Variants in SOCS2 observed in about 807,000 individuals in gnomAD.
SOCS2 encodes the protein suppressor of cytokine signaling 2, also known as CIS-2.
SOCS2 carries 10 observed loss-of-function variants against 18.6 expected under a neutral mutation model. The ratio of observed to expected loss-of-function variants is 0.54; its 90% CI spans 0.33 to 0.91. The LOEUF (loss-of-function observed/expected upper bound fraction) is 0.91, where lower values mean the gene tolerates loss of function less well. Ranked by LOEUF, SOCS2 falls within the 40% of genes least tolerant of loss-of-function variation. The probability of loss-of-function intolerance (pLI) is 0.02; values close to 1 mark genes in which losing one functional copy is unlikely to be tolerated. For synonymous variants in SOCS2, 104 were observed against 104.0 expected, an observed-to-expected ratio of 1.00 and a Z score of 0.00; for missense variants, 231 against 247.2, an observed-to-expected ratio of 0.93 and a Z score of 0.44.
upstream of SOCS2, chr12:93,571,369 GC>G (rs982252836): frequency 6.6e-6 from 1 of 152,302 alleles, no homozygotes; most frequent in African/African-American, 2.4e-5. Flanking sequence ...CCGCGGCTCT[GC>G]CCCGCGGCCT....
the SOCS2 span, among the ~76,000 whole-genome samples, chr12:93,610,034 A>G: frequency 6.6e-6 from 1 of 152,210 alleles, no homozygotes; most frequent in Non-Finnish European, 1.5e-5. Flanking sequence ...AAGAGAGCAG[A>G]GCCCTCATGA....
At chr12:93,616,385 A>C in the SOCS2 span, among the ~76,000 whole-genome samples, 1 of 152,224 alleles carries the variant, frequency 6.6e-6, no homozygotes, top group Non-Finnish European at 1.5e-5. Context: ...GTCTCTCATA[A>C]TGACATCATT....
chr12:93,597,014 A>T, the SOCS2 span, among the ~76,000 whole-genome samples: 6 of 152,204 alleles, frequency 3.9e-5, no homozygotes. Context: ...TTTCAAAAGA[A>T]TTATAGATCT....
At chr12:93,611,864 A>G in the SOCS2 span, among the ~76,000 whole-genome samples, 15 of 150,108 alleles carry the variant, frequency 1.0e-4, no homozygotes, top group Admixed American at 9.3e-4. Flanking sequence ...GTTTATATTG[A>G]TTTTTTTTTT....
At position 93,573,008 on chromosome 12, in the gene SOCS2, G is replaced by T; in HGVS notation, c.111G>T (p.Ala37=). The stretch of plus-strand genomic sequence containing the variant: ...CATCCCCGCAGGCGGCGCGTCTGGC[G>T]AAGGCCCTGCGGGAGCTCGGTCAGA... ...EEPSPQAARL[A]KALRELGQTG... is the part of the protein sequence containing the mutation. The change falls in exon 1 of 2, where the codon GCG becomes GCT. Residue 37 remains alanine, a synonymous_variant. Coordinates refer to ENST00000551556, the MANE Select transcript of SOCS2 (RefSeq NM_001270471.2). 3 of 1,569,774 alleles carry T rather than the reference G, an allele frequency of 1.9e-6. No individual in the cohort carries two copies. The highest frequency in any genetic ancestry group is 1.7e-4 in the Middle Eastern group (1 of 5,976).
upstream of SOCS2, chr12:93,571,874 C>T (rs1318223167): frequency 4.7e-6 from 2 of 428,352 alleles, no homozygotes; most frequent in Non-Finnish European, 9.3e-6. Flanking sequence ...AGGAGGCTGC[C>T]TGGTGCGGAG....
At chr12:93,614,478 CCT>C in the SOCS2 span, among the ~76,000 whole-genome samples, 16 of 49,436 alleles carry the variant, frequency 3.2e-4, 3 homozygotes, top group African/African-American at 1.1e-3. Context: ...TTCCTTCCTT[CCT>C]TTCCTTCCTT....
downstream of SOCS2, among the ~76,000 whole-genome samples, chr12:93,587,535 G>T (rs960505213): frequency 3.9e-5 from 6 of 152,140 alleles, no homozygotes; most frequent in African/African-American, 1.4e-4. Context: ...CAAAAAAGTA[G>T]CCGGGCGTGG....
upstream of SOCS2, chr12:93,571,675 C>T (rs1030401163): frequency 3.8e-6 from 1 of 264,014 alleles, no homozygotes; most frequent in South Asian, 2.8e-5. Context: ...GGCAATGATC[C>T]TCGAGGCTTT....
In SOCS2 at chr12:93,575,340, G is replaced by T; in HGVS notation, c.*161G>T. 2.0e-6 allele frequency: 1 copy of T among 488,398 alleles called. No individual in the cohort carries two copies. The highest frequency in any genetic ancestry group is 3.5e-6 in the Non-Finnish European group (1 of 283,200). The allele number at this position is 488,398 out of a possible 1,614,324, so 30.3% of individuals were successfully genotyped here. On this transcript the variant is annotated 3_prime_UTR_variant, in exon 2 of 2. Coordinates refer to ENST00000551556, the MANE Select transcript of SOCS2 (RefSeq NM_001270471.2). Reference sequence around the variant, plus strand: ...ATTTAACAGCTTGAAGAGGTAGCTAGGTGTTTAAAGTTCCTCCAGATACTT... The same window carrying T: ...ATTTAACAGCTTGAAGAGGTAGCTATGTGTTTAAAGTTCCTCCAGATACTT...
At chr12:93,585,854 G>A (rs928826329), downstream of SOCS2, among the ~76,000 whole-genome samples, 2 of 152,062 alleles carry the variant, frequency 1.3e-5, no homozygotes, top group Non-Finnish European at 2.9e-5. Context: ...ACCAAAATCT[G>A]AAGATGCTTA....
chr12:93,591,714 C>A, the SOCS2 span, among the ~76,000 whole-genome samples: 3 of 152,298 alleles, frequency 2.0e-5, no homozygotes, highest in East Asian at 5.8e-4. Context: ...CTTATGTAAC[C>A]CAGCGTCGGC....
Position 93,575,200 on chromosome 12 carries a change from A to G in SOCS2, c.*21A>G, listed in dbSNP as rs772371642. Reference sequence around the variant, plus strand: ...TATAAATGTTTCTCTTTTTTTAAACATGTCTCACATAGAGTATCTCCGAAT... The same window carrying G: ...TATAAATGTTTCTCTTTTTTTAAACGTGTCTCACATAGAGTATCTCCGAAT... On this transcript the variant is annotated 3_prime_UTR_variant, in exon 2 of 2. Coordinates refer to ENST00000551556, the MANE Select transcript of SOCS2 (RefSeq NM_001270471.2). The G allele has an allele frequency of 2.7e-6, 4 of 1,496,976 alleles. No individual in the cohort carries two copies. The South Asian group carries it at 4.1e-5, about 15-fold the overall frequency. 92.7% of individuals were successfully genotyped at this position (1,496,976 alleles called of 1,614,324 possible).
chr12:93,579,461 T>A (rs570689293), downstream of SOCS2, among the ~76,000 whole-genome samples: 53 of 152,260 alleles, frequency 3.5e-4, no homozygotes, highest in African/African-American at 9.6e-4. Context: ...ATTTTTTTTT[T>A]AAATCTACTT....
At chr12:93,588,343 A>G (rs1954596651), downstream of SOCS2, among the ~76,000 whole-genome samples, 2 of 152,378 alleles carry the variant, frequency 1.3e-5, no homozygotes, top group Middle Eastern at 6.8e-3. Context: ...ATTAATAAAG[A>G]ACATATATAA....
the SOCS2 span, among the ~76,000 whole-genome samples, chr12:93,620,155 G>C: frequency 6.6e-6 from 1 of 151,030 alleles, no homozygotes; most frequent in Non-Finnish European, 1.5e-5. Context: ...TTTTGTTTAA[G>C]AAAAAAAATC....
At chr12:93,588,603 T>C in the SOCS2 span, among the ~76,000 whole-genome samples, 18 of 147,528 alleles carry the variant, frequency 1.2e-4, no homozygotes, top group Admixed American at 1.2e-3. Flanking sequence ...TGAGAAATTC[T>C]GGAGACAGTG....
At chr12:93,584,672 G>A (rs1171188613), downstream of SOCS2, among the ~76,000 whole-genome samples, 2 of 152,092 alleles carry the variant, frequency 1.3e-5, no homozygotes, top group Non-Finnish European at 2.9e-5. Flanking sequence ...GCTATTATTG[G>A]GACTTTGATT....
At chr12:93,571,001 G>A (rs1198790910), upstream of SOCS2, 1 of 154,024 alleles carries the variant, frequency 6.5e-6, no homozygotes, top group African/African-American at 2.4e-5. Flanking sequence ...CGTCGGTCTG[G>A]GAAGTCGCGC....
Sources: gnomAD v4.1 joint callset for allele counts (sites outside exome capture counted in the v4.1 genomes callset) on GRCh38, gnomAD v4.1.1 for gene constraint, MANE v1.5 for transcripts, NCBI Gene and HGNC (gene_info 2026-07-23, HGNC 2026-07-21) for gene names.